CLSTN2: variants seen among roughly 807,000 people sequenced by gnomAD.
The protein encoded by CLSTN2 is calsyntenin 2, also known as calsyntenin-2.
A neutral mutation model predicts 101.2 loss-of-function variants in CLSTN2; 48 were observed. The observed-to-expected ratio is 0.47, with a 90% CI of 0.38 to 0.60. The LOEUF (loss-of-function observed/expected upper bound fraction) is 0.60. Among genes scored for constraint, CLSTN2 ranks in the 20% least tolerant of loss-of-function variants. The pLI is 0.00. For missense variants in CLSTN2, 1,160 were observed against 1,238.2 expected, an observed-to-expected ratio of 0.94 and a Z score of 0.95; for synonymous variants, 481 against 463.6, an observed-to-expected ratio of 1.04 and a Z score of -0.48.
chr3:140,150,313 G>A (rs1353793182), intron 1 of CLSTN2, among the ~76,000 whole-genome samples: 1 of 152,120 alleles, frequency 6.6e-6, no homozygotes, highest in Non-Finnish European at 1.5e-5. Flanking sequence ...TCCAGCTTTA[G>A]GGCTTTGGTC....
intron 1 of CLSTN2, among the ~76,000 whole-genome samples, chr3:140,147,814 A>G (rs958583587): frequency 2.6e-5 from 4 of 152,194 alleles, no homozygotes; most frequent in Non-Finnish European, 5.9e-5. Context: ...GGCCATTGCT[A>G]TAGTGCATTA....
chr3:140,519,223 T>G (rs564634171), intron 8 of CLSTN2, among the ~76,000 whole-genome samples: 20 of 152,360 alleles, frequency 1.3e-4, no homozygotes, highest in African/African-American at 4.3e-4. Flanking sequence ...TTCTTTTGCA[T>G]TCACTGAGGA....
At chr3:140,253,642 T>C (rs2086581729) in intron 2 of CLSTN2, among the ~76,000 whole-genome samples, 1 of 152,110 alleles carries the variant, frequency 6.6e-6, no homozygotes, top group African/African-American at 2.4e-5. Flanking sequence ...AAGACCTGTT[T>C]CTTTATTTGC....
At chr3:140,271,319 C>G (rs528994999) in intron 2 of CLSTN2, among the ~76,000 whole-genome samples, 3 of 152,292 alleles carry the variant, frequency 2.0e-5, no homozygotes, top group African/African-American at 7.2e-5. Flanking sequence ...GCCCACCTCC[C>G]CTCCAGGCTA....
chr3:140,250,521 T>C, intron 2 of CLSTN2, among the ~76,000 whole-genome samples: 1 of 152,310 alleles, frequency 6.6e-6, no homozygotes, highest in South Asian at 2.1e-4. Context: ...TTCAATTACT[T>C]GTTAGAAGTC....
chr3:140,357,458 T>C (rs946875369), intron 2 of CLSTN2, among the ~76,000 whole-genome samples: 1 of 152,146 alleles, frequency 6.6e-6, no homozygotes, highest in African/African-American at 2.4e-5. Context: ...TGCCCATGCA[T>C]TCATACCTGT....
intron 2 of CLSTN2, among the ~76,000 whole-genome samples, chr3:140,252,723 C>A (rs2086574717): frequency 6.6e-6 from 1 of 152,174 alleles, no homozygotes; most frequent in Admixed American, 6.5e-5. Flanking sequence ...GGAGCACAAC[C>A]CTGTAAGGGC....
At chr3:140,036,211 G>A (rs182747804) in intron 1 of CLSTN2, among the ~76,000 whole-genome samples, 1 of 152,306 alleles carries the variant, frequency 6.6e-6, no homozygotes, top group African/African-American at 2.4e-5. Flanking sequence ...TGAGGAGTGA[G>A]TGGTTGAGCA....
chr3:140,307,964 G>C (rs1046342371), intron 2 of CLSTN2, among the ~76,000 whole-genome samples: 1 of 152,194 alleles, frequency 6.6e-6, no homozygotes, highest in African/African-American at 2.4e-5. Context: ...AGGGTCTGTA[G>C]ATATAATCCT....
intron 1 of CLSTN2, among the ~76,000 whole-genome samples, chr3:140,142,971 A>G (rs149550401): frequency 6.6e-6 from 1 of 152,302 alleles, no homozygotes; most frequent in African/African-American, 2.4e-5. Context: ...AAGCACCTCT[A>G]CTACTTACTA....
intron 1 of CLSTN2, among the ~76,000 whole-genome samples, chr3:139,952,744 G>A (rs1283347952): frequency 1.1e-4 from 17 of 152,184 alleles, no homozygotes; most frequent in Admixed American, 2.0e-4. Context: ...CCATTTCACC[G>A]TCGTCTCACC....
chr3:140,388,178 C>T lies in CLSTN2; in HGVS notation c.233-15451C>T, dbSNP rs112202590. ...ATAAAACTGTAATGCTGTGAAAGTG[C>T]GGCAGCAAGAAATCACTGGTGATGT... On this transcript the variant is annotated intron_variant, in intron 2 of 16. Coordinates refer to ENST00000458420, the MANE Select transcript of CLSTN2 (RefSeq NM_022131.3). Among the ~76,000 whole-genome samples the T allele has an allele frequency of 5.3e-5, 8 of 152,328 alleles. No individual in the cohort carries two copies. The South Asian group carries it at 1.0e-3, about 20-fold the overall frequency.
At chr3:140,004,173 G>A (rs535178316) in intron 1 of CLSTN2, among the ~76,000 whole-genome samples, 1 of 152,276 alleles carries the variant, frequency 6.6e-6, no homozygotes, top group Non-Finnish European at 1.5e-5. Context: ...CCATAGCCAG[G>A]TAGCCTTCAC....
chr3:140,274,770 G>C (rs190719276), intron 2 of CLSTN2, among the ~76,000 whole-genome samples: 8 of 152,306 alleles, frequency 5.3e-5, no homozygotes, highest in East Asian at 1.9e-4. Context: ...AAGGGTAAAG[G>C]CATCACAGGA....
chr3:140,196,285 C>T (rs930882973), intron 2 of CLSTN2, among the ~76,000 whole-genome samples: 11 of 152,064 alleles, frequency 7.2e-5, no homozygotes, highest in East Asian at 1.9e-4. Context: ...CAGAGGAAGG[C>T]GGGGGAAAAA....
At position 140,446,517 on chromosome 3, in the gene CLSTN2, C is replaced by T. The variant is rs75886178; in HGVS notation, c.788-2002C>T. 6.5e-3 allele frequency among the ~76,000 whole-genome samples: 990 copies of T among 152,228 alleles called. 18 individuals carry two copies. The highest frequency in any genetic ancestry group is 0.065 in the East Asian group (334 of 5,166). On this transcript the variant is annotated intron_variant, in intron 5 of 16. Coordinates refer to ENST00000458420, the MANE Select transcript of CLSTN2 (RefSeq NM_022131.3). ...GTATCAAAGTTGTGATGCAGGAGGG[C>T]GGATTGTCTCCTTCCTTGACAGGGA...
At chr3:140,537,400 C>T (rs1337081772) in intron 9 of CLSTN2, among the ~76,000 whole-genome samples, 1 of 152,178 alleles carries the variant, frequency 6.6e-6, no homozygotes, top group Non-Finnish European at 1.5e-5. Flanking sequence ...AAAAATGGGA[C>T]TTCATTTACA....
intron 5 of CLSTN2, among the ~76,000 whole-genome samples, chr3:140,427,248 T>TATACAC (rs1559866830): frequency 1.5e-5 from 2 of 136,102 alleles, no homozygotes; most frequent in Non-Finnish European, 3.1e-5. Flanking sequence ...TATATATACA[T>TATACAC]ATATATATAC....
intron 2 of CLSTN2, among the ~76,000 whole-genome samples, chr3:140,181,299 C>T (rs1287183189): frequency 1.3e-5 from 2 of 152,132 alleles, no homozygotes; most frequent in African/African-American, 4.8e-5. Flanking sequence ...CCCAATAAAT[C>T]ATAGTTGTGA....
Sources: gnomAD v4.1 joint callset for allele counts (sites outside exome capture counted in the v4.1 genomes callset) on GRCh38, gnomAD v4.1.1 for gene constraint, MANE v1.5 for transcripts, NCBI Gene and HGNC (gene_info 2026-07-23, HGNC 2026-07-21) for gene names.